HHAT: variants seen among roughly 807,000 people sequenced by gnomAD.
HHAT encodes the protein protein-cysteine N-palmitoyltransferase HHAT.
Under a neutral mutation model 70.8 loss-of-function variants are expected in HHAT, and 47 were observed. The observed-to-expected ratio is 0.66, with a 90% CI of 0.53 to 0.85. The LOEUF is 0.85. Ranked by LOEUF, HHAT falls within the 40% of genes least tolerant of loss-of-function variation. HHAT has a pLI of 0.00. For synonymous variants in HHAT, 228 were observed against 247.6 expected (o/e 0.92, Z 0.74); for missense variants, 609 against 604.8 (o/e 1.01, Z -0.07).
rs761768543 is a variant in HHAT at position 210,587,964 on chromosome 1, G to A, written c.1110G>A (p.Met370Ile). The stretch of plus-strand genomic sequence containing the variant: ...TGGGGACACTGTTTTCCACGGCGAT[G>A]ACATTTGCATTTGTGAGCTACTGGC... ...GLLGTLFSTA[M>I]TFAFVSYWHG... Residue 370 changes from methionine to isoleucine, a missense_variant, in exon 10 of 12, where the codon ATG (methionine) becomes ATA (isoleucine). Transcript: ENST00000261458. 1.2e-5 allele frequency: 19 copies of A among 1,614,176 alleles called. No homozygotes were observed. Among genetic ancestry groups the A allele is most frequent in the Non-Finnish European group, 1.6e-5 (19 of 1,180,016 alleles).
At chr1:210,502,429 A>G (rs1432371026) in intron 8 of HHAT, among the ~76,000 whole-genome samples, 1 of 151,724 alleles carries the variant, frequency 6.6e-6, no homozygotes, top group Non-Finnish European at 1.5e-5. Context: ...AATTATAAGC[A>G]TAATCTTTTG....
intron 8 of HHAT, among the ~76,000 whole-genome samples, chr1:210,468,974 C>T (rs2094153397): frequency 1.3e-5 from 2 of 152,200 alleles, no homozygotes; most frequent in Admixed American, 1.3e-4. Context: ...GAGGAGAATA[C>T]TACTACTTTG....
At chr1:210,567,624 C>T (rs1199043164) in intron 9 of HHAT, among the ~76,000 whole-genome samples, 1 of 152,148 alleles carries the variant, frequency 6.6e-6, no homozygotes, top group Non-Finnish European at 1.5e-5. Flanking sequence ...CATTATTTCT[C>T]CATTCCTTTC....
chr1:210,645,715 G>T lies in HHAT; in HGVS notation c.1390+22045G>T, dbSNP rs1490920248. ...GTGGGTCTGCTTTGTGCCACTCAAG[G>T]TTTAGTCTGGGACTCGATCATGCTT... On this transcript the variant is annotated intron_variant, in intron 11 of 11. Coordinates refer to ENST00000261458, the MANE Select transcript of HHAT (RefSeq NM_018194.6). 3.9e-5 allele frequency among the ~76,000 whole-genome samples: 6 copies of T among 152,128 alleles called. No homozygotes were observed. In the East Asian group the frequency reaches 1.2e-3, roughly 29 times the overall value.
At chr1:210,492,946 A>G (rs991107178) in intron 8 of HHAT, among the ~76,000 whole-genome samples, 1 of 152,140 alleles carries the variant, frequency 6.6e-6, no homozygotes, top group African/African-American at 2.4e-5. Context: ...TTAGAGGGCT[A>G]CTGGGCTCCA....
At chr1:210,616,237 G>A (rs578180053) in intron 10 of HHAT, among the ~76,000 whole-genome samples, 2 of 151,708 alleles carry the variant, frequency 1.3e-5, no homozygotes, top group African/African-American at 2.4e-5. Context: ...ATGACATATT[G>A]TTATTAACTA....
chr1:210,475,887 T>TCC (rs2094298430), intron 8 of HHAT, among the ~76,000 whole-genome samples: 1 of 152,224 alleles, frequency 6.6e-6, no homozygotes, highest in African/African-American at 2.4e-5. Flanking sequence ...CCTGTTAGGA[T>TCC]TAACTTATTT....
chr1:210,511,891 G>A (rs568032604), intron 8 of HHAT, among the ~76,000 whole-genome samples: 2 of 144,958 alleles, frequency 1.4e-5, no homozygotes, highest in East Asian at 2.1e-4. Flanking sequence ...CTGGGTTCAC[G>A]CCATTCTCCT....
intron 2 of HHAT, among the ~76,000 whole-genome samples, chr1:210,360,434 C>T (rs1473622288): frequency 6.6e-6 from 1 of 151,970 alleles, no homozygotes; most frequent in Non-Finnish European, 1.5e-5. Flanking sequence ...CCTCAGCCTC[C>T]CGAGTAGCTG....
At chr1:210,497,526 C>T (rs1309614693) in intron 8 of HHAT, among the ~76,000 whole-genome samples, 1 of 152,132 alleles carries the variant, frequency 6.6e-6, no homozygotes, top group Non-Finnish European at 1.5e-5. Flanking sequence ...TGGAAAGGAA[C>T]TATTCTACAA....
chr1:210,379,846 A>G (rs2090498499), intron 3 of HHAT, among the ~76,000 whole-genome samples: 1 of 152,146 alleles, frequency 6.6e-6, no homozygotes, highest in Admixed American at 6.5e-5. Flanking sequence ...TGGGTCCTCT[A>G]TTGTAATACT....
At chr1:210,495,486 T>A (rs1054644130) in intron 8 of HHAT, among the ~76,000 whole-genome samples, 29 of 152,134 alleles carry the variant, frequency 1.9e-4, no homozygotes, top group African/African-American at 7.0e-4. Flanking sequence ...ATTTTAATCC[T>A]TTCTTTACTC....
intron 7 of HHAT, among the ~76,000 whole-genome samples, chr1:210,433,564 G>T (rs1295221841): frequency 3.0e-5 from 1 of 33,662 alleles, no homozygotes; most frequent in Non-Finnish European, 7.4e-5. Context: ...CTCCTGGTGG[G>T]GGTGGAAAAA....
intron 11 of HHAT, among the ~76,000 whole-genome samples, chr1:210,638,722 C>CAA (rs71146238): frequency 0.26 from 24,606 of 95,104 alleles, 2,953 homozygotes; most frequent in East Asian, 0.28. Flanking sequence ...CCTGTATTTA[C>CAA]AAAAAAAAAA....
At chr1:210,541,389 G>A (rs1485996948) in intron 9 of HHAT, among the ~76,000 whole-genome samples, 1 of 152,110 alleles carries the variant, frequency 6.6e-6, no homozygotes, top group East Asian at 1.9e-4. Flanking sequence ...TGAGGGTAAA[G>A]GCTTAACAAA....
chr1:210,494,330 AG>A (rs1009057294), intron 8 of HHAT, among the ~76,000 whole-genome samples: 4 of 152,064 alleles, frequency 2.6e-5, no homozygotes, highest in Non-Finnish European at 5.9e-5. Context: ...TTGAAGTGGA[AG>A]TGGTGAGAAG....
intron 1 of HHAT, among the ~76,000 whole-genome samples, chr1:210,339,578 C>T (rs1382470913): frequency 6.6e-6 from 1 of 152,202 alleles, no homozygotes; most frequent in African/African-American, 2.4e-5. Context: ...AAAGCCAAGT[C>T]TAGCCTACCA....
At chr1:210,365,220 G>T (rs1181531524) in intron 3 of HHAT, among the ~76,000 whole-genome samples, 1 of 150,692 alleles carries the variant, frequency 6.6e-6, no homozygotes, top group Non-Finnish European at 1.5e-5. Flanking sequence ...TAGAAATCAT[G>T]ACCTTTAGAA....
chr1:210,535,674 T>TGTGCATGCGTGC (rs1167455348), intron 9 of HHAT, among the ~76,000 whole-genome samples: 1 of 152,156 alleles, frequency 6.6e-6, no homozygotes, highest in Non-Finnish European at 1.5e-5. Context: ...TTTGTGTGTG[T>TGTGCATGCGTGC]GTGCATGCGT....
Sources: allele counts gnomAD v4.1 joint callset (sites outside exome capture counted in the v4.1 genomes callset), GRCh38; gene constraint gnomAD v4.1.1; transcripts MANE v1.5; gene names NCBI Gene and HGNC (gene_info 2026-07-23, HGNC 2026-07-21).